Variants in EPHA4 observed in about 807,000 individuals in gnomAD.
The protein encoded by EPHA4 is EPH receptor A4.
In EPHA4, 19 loss-of-function variants were observed where a neutral mutation model predicts 108.3. The observed-to-expected ratio is 0.18, with a 90% CI of 0.12 to 0.26. The LOEUF (loss-of-function observed/expected upper bound fraction) is 0.26, where lower values mean the gene tolerates loss of function less well. Among genes scored for constraint, EPHA4 ranks in the 10% least tolerant of loss-of-function variants. The probability of loss-of-function intolerance (pLI) is 1.00; values close to 1 mark genes in which losing one functional copy is unlikely to be tolerated. For synonymous variants in EPHA4, 449 were observed against 455.5 expected (o/e 0.99, Z 0.18); for missense variants, 917 against 1,254.0 (o/e 0.73, Z 4.06).
intron 14 of EPHA4, among the ~76,000 whole-genome samples, chr2:221,431,740 C>A (rs1278295489): frequency 1.3e-5 from 2 of 152,278 alleles, no homozygotes; most frequent in South Asian, 4.1e-4. Context: ...ATTGTTATAA[C>A]CCCTCAGACT....
intron 3 of EPHA4, among the ~76,000 whole-genome samples, chr2:221,501,743 T>C (rs1692495015): frequency 6.6e-6 from 1 of 152,100 alleles, no homozygotes; most frequent in South Asian, 2.1e-4. Context: ...GGGTGGTGAT[T>C]ATTTCCCAAT....
At chr2:221,502,374 C>T (rs1282185885) in intron 3 of EPHA4, among the ~76,000 whole-genome samples, 1 of 152,080 alleles carries the variant, frequency 6.6e-6, no homozygotes, top group Non-Finnish European at 1.5e-5. Flanking sequence ...ACAATCTTTC[C>T]AGCATGATTC....
chr2:221,540,480 CCT>C (rs1404918096), intron 3 of EPHA4, among the ~76,000 whole-genome samples: 1 of 152,052 alleles, frequency 6.6e-6, no homozygotes, highest in African/African-American at 2.4e-5. Flanking sequence ...CATTTTTTCC[CCT>C]CTTTCTGTAC....
chr2:221,527,748 C>G (rs913510022), intron 3 of EPHA4, among the ~76,000 whole-genome samples: 2 of 152,072 alleles, frequency 1.3e-5, no homozygotes, highest in African/African-American at 4.8e-5. Flanking sequence ...CACAATAGCC[C>G]GATGAGGTTC....
chr2:221,560,673 T>C (rs1443916746), intron 3 of EPHA4, among the ~76,000 whole-genome samples: 1 of 152,176 alleles, frequency 6.6e-6, no homozygotes, highest in Non-Finnish European at 1.5e-5. Flanking sequence ...GAGGTGACTT[T>C]TACCAATCTT....
At position 221,433,778 on chromosome 2, in the gene EPHA4, G is replaced by A. The variant is rs531315589; in HGVS notation, c.2496+364C>T. Reference sequence around the variant, plus strand: ...TTCTTTCAATAAGCCTTTCATGTCCGTTTTATCATATGTGAAATTTATTTT... The same window carrying A: ...TTCTTTCAATAAGCCTTTCATGTCCATTTTATCATATGTGAAATTTATTTT... On this transcript the variant is annotated intron_variant, in intron 14 of 17. Transcript: ENST00000281821. Among the ~76,000 whole-genome samples the A allele has an allele frequency of 9.2e-5, 14 of 152,158 alleles. No individual in the cohort carries two copies. The East Asian group carries it at 1.9e-3, about 21-fold the overall frequency.
chr2:221,447,000 A>T (rs1408522916), intron 8 of EPHA4, among the ~76,000 whole-genome samples: 6 of 152,222 alleles, frequency 3.9e-5, no homozygotes. Flanking sequence ...ACACATAAAT[A>T]TTCAATCAGA....
chr2:221,456,548 AATG>A, intron 7 of EPHA4, 62 bp downstream of exon 7: 1 of 1,531,296 alleles, frequency 6.5e-7, no homozygotes, highest in Admixed American at 1.8e-5. Context: ...ATTTCACTGT[AATG>A]GGATTCAGCT....
chr2:221,461,640 G>A (rs568770712), intron 5 of EPHA4, among the ~76,000 whole-genome samples: 9 of 152,308 alleles, frequency 5.9e-5, no homozygotes, highest in Middle Eastern at 3.4e-3. Flanking sequence ...GAACAAGGCC[G>A]AGAGGGGGAA....
chr2:221,427,211 C>G (rs191305473), intron 15 of EPHA4, among the ~76,000 whole-genome samples: 2 of 152,168 alleles, frequency 1.3e-5, no homozygotes, highest in African/African-American at 2.4e-5. Context: ...CTGACCAGCA[C>G]GAGTGCCAAG....
chr2:221,516,792 CTCAGGAA>C (rs1374164953), intron 3 of EPHA4, among the ~76,000 whole-genome samples: 1 of 152,116 alleles, frequency 6.6e-6, no homozygotes, highest in Non-Finnish European at 1.5e-5. Context: ...ATTTATGGAG[CTCAGGAA>C]CTGAGCTCCA....
intron 5 of EPHA4, among the ~76,000 whole-genome samples, chr2:221,461,369 G>A (rs543149196): frequency 1.1e-3 from 169 of 152,250 alleles, no homozygotes; most frequent in Non-Finnish European, 1.9e-3. Flanking sequence ...TAGAAGAGGA[G>A]ATAATAGAAT....
intron 3 of EPHA4, among the ~76,000 whole-genome samples, chr2:221,553,098 C>A (rs1559290899): frequency 6.6e-6 from 1 of 152,082 alleles, no homozygotes; most frequent in East Asian, 1.9e-4. Context: ...TTGTTTACTG[C>A]CTTTGTTATC....
At chr2:221,539,964 C>T (rs927051044) in intron 3 of EPHA4, among the ~76,000 whole-genome samples, 1 of 152,094 alleles carries the variant, frequency 6.6e-6, no homozygotes. Context: ...GTTGCCCAGG[C>T]TGGAGTGCAA....
chr2:221,436,726 C>T, intron 12 of EPHA4, 118 bp from the exon 13 acceptor site: 1 of 1,069,080 alleles, frequency 9.4e-7, no homozygotes, highest in Middle Eastern at 2.0e-4. Flanking sequence ...TGAAACTCAA[C>T]ATTATTTCCA....
chr2:221,573,564 CCCT>C (rs902436525), upstream of EPHA4: 4 of 152,388 alleles, frequency 2.6e-5, no homozygotes, highest in African/African-American at 9.6e-5. The surrounding 1 kb of genome is among the most constrained non-coding windows in gnomAD (Gnocchi z 4.5). Context: ...CCCAGGCCGC[CCCT>C]CCTCTGACTC....
chr2:221,489,079 CA>C (rs1255265568), intron 4 of EPHA4, among the ~76,000 whole-genome samples: 2 of 152,158 alleles, frequency 1.3e-5, no homozygotes, highest in African/African-American at 4.8e-5. Flanking sequence ...AACCTAAAGT[CA>C]GAAATGTCTC....
Position 221,564,043 on chromosome 2 carries a change from G to A in EPHA4, c.511C>T (p.Arg171Trp), listed in dbSNP as rs942232541. The A allele has an allele frequency of 6.2e-7, 1 of 1,613,884 alleles. No individual in the cohort carries two copies. Among genetic ancestry groups the A allele is most frequent in the Non-Finnish European group, 8.5e-7 (1 of 1,180,010 alleles). ...DRIMKLNTEIRDVGPLSKKGF... is the reference protein window; with the variant it reads ...DRIMKLNTEIWDVGPLSKKGF... ...TTTTTGCTTAATGGCCCTACATCCCGGATCTCGGTGTTCAGCTTCATGATT... is the reference window on the plus strand; with the variant it reads ...TTTTTGCTTAATGGCCCTACATCCCAGATCTCGGTGTTCAGCTTCATGATT... Residue 171 changes from arginine to tryptophan, a missense_variant, in exon 3 of 18, where the codon CGG (arginine) becomes TGG (tryptophan). Arg to Trp is a moderately radical substitution (Grantham distance 101, BLOSUM62 -3). Transcript: ENST00000281821.
chr2:221,421,075 A>G (rs1255060037), intron 17 of EPHA4, among the ~76,000 whole-genome samples: 1 of 152,146 alleles, frequency 6.6e-6, no homozygotes, highest in Admixed American at 6.6e-5. Flanking sequence ...AGGTGGGCGG[A>G]TCACGAGGTC....
Sources: allele counts gnomAD v4.1 joint callset (sites outside exome capture counted in the v4.1 genomes callset), GRCh38; gene constraint gnomAD v4.1.1; non-coding constraint Gnocchi (gnomAD v3.1); transcripts MANE v1.5; gene names NCBI Gene and HGNC (gene_info 2026-07-23, HGNC 2026-07-21).